The following PPP3R1 variants were observed in gnomAD, a reference collection of about 807,000 sequenced individuals.
PPP3R1 encodes the protein protein phosphatase 3 regulatory subunit B, alpha, also known as calcineurin subunit B type 1.
Under a neutral mutation model 22.6 loss-of-function variants are expected in PPP3R1, and 5 were observed. The observed-to-expected ratio is 0.22, with a 90% CI of 0.12 to 0.46. The LOEUF is 0.46. Ranked by LOEUF, PPP3R1 falls within the 20% of genes least tolerant of loss-of-function variation. The pLI is 0.99. For missense variants in PPP3R1, 61 were observed against 203.2 expected, an observed-to-expected ratio of 0.30 and a Z score of 4.25; for synonymous variants, 56 against 65.2, an observed-to-expected ratio of 0.86 and a Z score of 0.68.
chr2:68,229,680 C>CTTTAATA (rs897799870), intron 1 of PPP3R1, among the ~76,000 whole-genome samples: 1 of 152,044 alleles, frequency 6.6e-6, no homozygotes, highest in Non-Finnish European at 1.5e-5. Context: ...ATGAGGTCTA[C>CTTTAATA]TTTATCTAAT....
At chr2:68,240,127 C>T (rs567833616) in intron 1 of PPP3R1, among the ~76,000 whole-genome samples, 2 of 152,212 alleles carry the variant, frequency 1.3e-5, no homozygotes, top group Admixed American at 1.3e-4. Context: ...GTAACCCCAA[C>T]GTAAGTCAAG....
intron 2 of PPP3R1, among the ~76,000 whole-genome samples, chr2:68,189,433 TTATA>T (rs1351234135): frequency 1.3e-5 from 2 of 152,146 alleles, no homozygotes; most frequent in African/African-American, 4.8e-5. Flanking sequence ...GTCAGGTCTC[TTATA>T]TAAATTCTTG....
chr2:68,182,414 C>G (rs1161723208), intron 5 of PPP3R1, among the ~76,000 whole-genome samples: 2 of 152,110 alleles, frequency 1.3e-5, no homozygotes, highest in Non-Finnish European at 2.9e-5. Flanking sequence ...CTCCAGGTCT[C>G]TTAAGATTTT....
chr2:68,210,046 A>G (rs938443010), intron 2 of PPP3R1, among the ~76,000 whole-genome samples: 1 of 152,180 alleles, frequency 6.6e-6, no homozygotes, highest in African/African-American at 2.4e-5. Flanking sequence ...AACAGAAGTG[A>G]CACCTCATCT....
chr2:68,186,643 C>A lies in PPP3R1; in HGVS notation c.290G>T (p.Arg97Leu), dbSNP rs766588543. ...GCCATCTTTATCCATGTCATAGATA[C>A]GGAAAGCAACTAAAAAAAAGGAAGG... is the stretch of plus-strand genomic sequence containing the variant. ...DKEQKLRFAF[R>L]IYDMDKDGYI... The change falls in exon 5 of 6, where the codon CGT (arginine) becomes CTT (leucine). Residue 97 changes from arginine (R) to leucine (L), a missense_variant. Physicochemically the swap from Arg to Leu is moderately radical, Grantham distance 102. Coordinates refer to ENST00000234310, the MANE Select transcript of PPP3R1 (RefSeq NM_000945.4). 6.2e-7 allele frequency: 1 copy of A among 1,602,142 alleles called. No homozygotes were observed. The highest frequency in any genetic ancestry group is 8.5e-7 in the Non-Finnish European group (1 of 1,175,048).
intron 1 of PPP3R1, among the ~76,000 whole-genome samples, chr2:68,232,134 C>CACACACACACAA: frequency 1.8e-5 from 2 of 108,994 alleles, no homozygotes; most frequent in African/African-American, 3.2e-5. Context: ...TACACACACA[C>CACACACACACAA]ACACATATAT....
At chr2:68,249,949 A>G (rs1670311849) in intron 1 of PPP3R1, among the ~76,000 whole-genome samples, 1 of 152,226 alleles carries the variant, frequency 6.6e-6, no homozygotes, top group Admixed American at 6.5e-5. Context: ...TGTATGTTCA[A>G]TTAACCAGAA....
At chr2:68,187,181 T>G (rs1403136510) in intron 4 of PPP3R1, 74 bp downstream of exon 4, 1 of 1,204,038 alleles carries the variant, frequency 8.3e-7, no homozygotes, top group African/African-American at 1.6e-5. Flanking sequence ...TTCATTATTT[T>G]AAAAAGCATT....
chr2:68,198,267 ATATGTGTATGCATG>A (rs1263115379), intron 2 of PPP3R1, among the ~76,000 whole-genome samples: 1 of 141,806 alleles, frequency 7.1e-6, no homozygotes, highest in African/African-American at 2.6e-5. Flanking sequence ...GTATACATAC[ATATGTGTATGCATG>A]TATGTGTATA....
intron 2 of PPP3R1, among the ~76,000 whole-genome samples, chr2:68,216,694 T>C (rs1419677592): frequency 6.6e-6 from 1 of 152,106 alleles, no homozygotes; most frequent in African/African-American, 2.4e-5. Flanking sequence ...CTCAGTGATC[T>C]TGGGAATAAG....
chr2:68,242,333 G>A (rs1670152497), intron 1 of PPP3R1, among the ~76,000 whole-genome samples: 2 of 151,978 alleles, frequency 1.3e-5, no homozygotes, highest in African/African-American at 2.4e-5. Flanking sequence ...AGCTGAGGCA[G>A]GGGAATTGCT....
At chr2:68,205,464 G>A (rs750760071) in intron 2 of PPP3R1, among the ~76,000 whole-genome samples, 3 of 151,908 alleles carry the variant, frequency 2.0e-5, no homozygotes, top group Admixed American at 6.6e-5. Context: ...GGCTGGTCTC[G>A]AACTCAGGTG....
At chr2:68,189,507 C>A (rs1326944322) in intron 2 of PPP3R1, among the ~76,000 whole-genome samples, 1 of 152,092 alleles carries the variant, frequency 6.6e-6, no homozygotes, top group Admixed American at 6.5e-5. Context: ...TTTAAAATAT[C>A]TGACTAATAC....
intron 3 of PPP3R1, 38 bp from the exon 4 acceptor site, chr2:68,187,352 C>A: frequency 6.5e-7 from 1 of 1,535,880 alleles, no homozygotes. Flanking sequence ...ATCAGAACTT[C>A]CAATTTTTTA....
At chr2:68,182,988 CTT>C (rs1674447466) in intron 5 of PPP3R1, among the ~76,000 whole-genome samples, 1 of 152,176 alleles carries the variant, frequency 6.6e-6, no homozygotes, top group Non-Finnish European at 1.5e-5. Flanking sequence ...GCACTCTAGA[CTT>C]TTTGTCTCCA....
chr2:68,187,483 C>G (rs1158191744), intron 3 of PPP3R1, among the ~76,000 whole-genome samples, 169 bp from the exon 4 acceptor site: 1 of 152,122 alleles, frequency 6.6e-6, no homozygotes, highest in Non-Finnish European at 1.5e-5. Context: ...CAAACAAGGT[C>G]TCTCTGTATT....
At chr2:68,208,082 G>A (rs1341813275) in intron 2 of PPP3R1, among the ~76,000 whole-genome samples, 1 of 152,198 alleles carries the variant, frequency 6.6e-6, no homozygotes, top group East Asian at 1.9e-4. Flanking sequence ...AAACCCAGGA[G>A]GTGGAGGTTG....
intron 1 of PPP3R1, among the ~76,000 whole-genome samples, chr2:68,239,742 T>C (rs1269771168): frequency 6.6e-6 from 1 of 152,098 alleles, no homozygotes; most frequent in African/African-American, 2.4e-5. Flanking sequence ...ATGTGTAGGG[T>C]CCTATGCTGG....
intron 5 of PPP3R1, among the ~76,000 whole-genome samples, chr2:68,182,084 C>A (rs1019841417): frequency 0.011 from 1,308 of 118,810 alleles, 23 homozygotes; most frequent in Non-Finnish European, 0.017. Context: ...CCCCCCTCCC[C>A]CCACCACACA....
Sources: gnomAD v4.1 joint callset for allele counts (sites outside exome capture counted in the v4.1 genomes callset) on GRCh38, gnomAD v4.1.1 for gene constraint, MANE v1.5 for transcripts, NCBI Gene and HGNC (gene_info 2026-07-23, HGNC 2026-07-21) for gene names.